Variants in WDR49 observed in about 807,000 individuals in gnomAD.
The protein encoded by WDR49 is WD repeat domain 49, also known as cilia- and flagella-associated protein 337.
A neutral mutation model predicts 119.5 loss-of-function variants in WDR49; 107 were observed. The ratio of observed to expected loss-of-function variants is 0.90; its 90% CI spans 0.77 to 1.05. The LOEUF (loss-of-function observed/expected upper bound fraction) is 1.05. WDR49 is among the 50% of genes least tolerant of loss of function. The pLI is 0.00. For synonymous variants in WDR49, 425 were observed against 418.8 expected (o/e 1.01, Z -0.18); for missense variants, 1,240 against 1,220.5 (o/e 1.02, Z -0.24).
At chr3:167,503,595 A>G (rs1205406936) in intron 17 of WDR49, among the ~76,000 whole-genome samples, 1 of 152,174 alleles carries the variant, frequency 6.6e-6, no homozygotes, top group African/African-American at 2.4e-5. Context: ...GTGCAGGAAC[A>G]ATGGCAAGCC....
chr3:167,488,826 C>T (rs558551900), intron 18 of WDR49, among the ~76,000 whole-genome samples: 1 of 152,224 alleles, frequency 6.6e-6, no homozygotes, highest in East Asian at 1.9e-4. Context: ...CCTCTAATCT[C>T]ATCTGATACC....
chr3:167,499,618 AT>A (rs1270756685), intron 18 of WDR49, among the ~76,000 whole-genome samples: 1 of 152,160 alleles, frequency 6.6e-6, no homozygotes, highest in Non-Finnish European at 1.5e-5. Context: ...ATAAAGAATT[AT>A]TTTGTACATC....
chr3:167,495,042 A>G (rs771290402), intron 18 of WDR49, among the ~76,000 whole-genome samples: 41 of 152,172 alleles, frequency 2.7e-4, no homozygotes, highest in South Asian at 1.0e-3. Context: ...ACCATTGCTG[A>G]CAGAAAAGAA....
At chr3:167,608,016 C>T (rs1262131487) in intron 5 of WDR49, among the ~76,000 whole-genome samples, 3 of 152,012 alleles carry the variant, frequency 2.0e-5, no homozygotes, top group Non-Finnish European at 2.9e-5. Context: ...TAATTCGTTC[C>T]TATAAAGGAG....
intron 7 of WDR49, among the ~76,000 whole-genome samples, chr3:167,592,981 C>T (rs1715218020): frequency 6.6e-6 from 1 of 152,142 alleles, no homozygotes; most frequent in Non-Finnish European, 1.5e-5. Context: ...CATATTGAAG[C>T]TCTATTTTAT....
In WDR49 at chr3:167,534,735, T is replaced by G. The variant is rs113614236; in HGVS notation, c.1955-1758A>C. Reference sequence around the variant, plus strand: ...GTGCAATCTGTCTCTATAAATTGCATTCTTTGGCCAGAAATGATACAACAA... The same window carrying G: ...GTGCAATCTGTCTCTATAAATTGCAGTCTTTGGCCAGAAATGATACAACAA... On this transcript the variant is annotated intron_variant, in intron 11 of 18. Coordinates refer to ENST00000682715, the MANE Select transcript of WDR49 (RefSeq NM_001366157.1). 4.6e-3 allele frequency among the ~76,000 whole-genome samples: 707 copies of G among 152,310 alleles called. 3 individuals carry two copies. The highest frequency in any genetic ancestry group is 0.016 in the African/African-American group (668 of 41,580).
intron 17 of WDR49, among the ~76,000 whole-genome samples, chr3:167,503,396 G>A (rs534018912): frequency 3.9e-5 from 6 of 152,286 alleles, no homozygotes; most frequent in East Asian, 1.9e-4. Flanking sequence ...CCAAAATGGC[G>A]GTGGGCCACT....
chr3:167,494,500 GAT>G (rs1166162279), intron 18 of WDR49, among the ~76,000 whole-genome samples: 1 of 151,998 alleles, frequency 6.6e-6, no homozygotes, highest in Non-Finnish European at 1.5e-5. Flanking sequence ...AATTACAAAT[GAT>G]ATGTTTAAAG....
chr3:167,631,165 T>C (rs1203083144), intron 2 of WDR49, among the ~76,000 whole-genome samples: 7 of 151,998 alleles, frequency 4.6e-5, no homozygotes, highest in Non-Finnish European at 8.8e-5. Flanking sequence ...TAACCTAATG[T>C]AAATGATGAG....
chr3:167,506,809 C>T (rs1014931870), intron 16 of WDR49, among the ~76,000 whole-genome samples: 9 of 152,208 alleles, frequency 5.9e-5, no homozygotes, highest in Middle Eastern at 3.4e-3. Flanking sequence ...TGGCCTGTGA[C>T]GATTTTTCTT....
At chr3:167,540,214 A>G (rs1317564238) in intron 10 of WDR49, among the ~76,000 whole-genome samples, 1 of 152,158 alleles carries the variant, frequency 6.6e-6, no homozygotes, top group African/African-American at 2.4e-5. Flanking sequence ...TGACAACTTC[A>G]CTGTTAGCAT....
intron 3 of WDR49, among the ~76,000 whole-genome samples, chr3:167,623,194 G>A (rs558555709): frequency 6.6e-6 from 1 of 151,900 alleles, no homozygotes; most frequent in Non-Finnish European, 1.5e-5. Flanking sequence ...ATCAGGCCAG[G>A]ATTACTCCAA....
At chr3:167,603,813 A>G (rs890812587) in intron 6 of WDR49, among the ~76,000 whole-genome samples, 2 of 152,178 alleles carry the variant, frequency 1.3e-5, no homozygotes, top group African/African-American at 4.8e-5. Flanking sequence ...TAATCTGAAC[A>G]TTTTCAAAAA....
At position 167,503,784 on chromosome 3, in the gene WDR49, T is replaced by C. The variant is rs1167509685; in HGVS notation, c.2884+1523A>G. Among the ~76,000 whole-genome samples the C allele has an allele frequency of 5.9e-5, 9 of 152,080 alleles. No homozygotes were observed. In the East Asian group the frequency reaches 1.2e-3, roughly 20 times the overall value. On this transcript the variant is annotated intron_variant, in intron 17 of 18. Coordinates refer to ENST00000682715, the MANE Select transcript of WDR49 (RefSeq NM_001366157.1). ...ACAAACATGGACCAGAAGAGTGCAG[T>C]TGCAAGATTTAATAGAGTGAAAGCA...
At position 167,621,482 on chromosome 3, in the gene WDR49, C is replaced by T; in HGVS notation, c.768G>A (p.Gly256=). The T allele has an allele frequency of 6.5e-7, 1 of 1,531,398 alleles. No individual in the cohort carries two copies. The allele number at this position is 1,531,398 out of a possible 1,614,324, so 94.9% of individuals were successfully genotyped here. ...CCTCACTTACCTTTCCAGTTATATC[C>T]CCAAAAGAAAGAATTGATTCATTGG... is the stretch of plus-strand genomic sequence containing the variant. ...LDANESILSF[G]DITGKVQAIA... Residue 256 remains glycine, a synonymous_variant, in exon 4 of 19, where the codon GGG becomes GGA. Transcript: ENST00000682715.
intron 7 of WDR49, among the ~76,000 whole-genome samples, chr3:167,599,250 C>A (rs1414036467): frequency 6.6e-6 from 1 of 152,110 alleles, no homozygotes; most frequent in African/African-American, 2.4e-5. Flanking sequence ...CCTTAGAAAT[C>A]TACTCGGTGT....
In WDR49 at chr3:167,602,264, T is replaced by C. The variant is rs770979206; in HGVS notation, c.1138A>G (p.Ile380Val). ...SRLNLIATAG[I>V]NNKVCLWNPY... ...TTCCAAAGGCAAACTTTATTGTTAA[T>C]GCCAGCAGTTGCTAATCAGAATTAG... The change falls in exon 7 of 19, where the codon ATT (isoleucine) becomes GTT (valine). Residue 380 changes from isoleucine to valine, a missense_variant. Coordinates refer to ENST00000682715, the MANE Select transcript of WDR49 (RefSeq NM_001366157.1). 3 of 1,574,322 alleles carry C rather than the reference T, an allele frequency of 1.9e-6. No individual in the cohort carries two copies. The Admixed American group carries it at 5.2e-5, about 27-fold the overall frequency.
chr3:167,525,921 C>A (rs1752613884), intron 15 of WDR49, among the ~76,000 whole-genome samples: 1 of 151,698 alleles, frequency 6.6e-6, no homozygotes, highest in East Asian at 1.9e-4. Context: ...TTCCCTTTCC[C>A]CTCCTTTCTG....
intron 9 of WDR49, among the ~76,000 whole-genome samples, chr3:167,555,755 A>G (rs1018341293): frequency 2.8e-5 from 4 of 142,476 alleles, no homozygotes; most frequent in African/African-American, 1.0e-4. Context: ...GTGTGATGGT[A>G]GGAGAAACTG....
Sources: gnomAD v4.1 joint callset for allele counts (sites outside exome capture counted in the v4.1 genomes callset) on GRCh38, gnomAD v4.1.1 for gene constraint, MANE v1.5 for transcripts, NCBI Gene and HGNC (gene_info 2026-07-23, HGNC 2026-07-21) for gene names.